Variants in MYRIP observed in about 807,000 individuals in gnomAD.
MYRIP encodes the protein rab effector MyRIP.
A neutral mutation model predicts 98.0 loss-of-function variants in MYRIP; 49 were observed. The ratio of observed to expected loss-of-function variants is 0.50; its 90% CI spans 0.40 to 0.63. MYRIP has a LOEUF of 0.63. Ranked by LOEUF, MYRIP falls within the 30% of genes least tolerant of loss-of-function variation. The pLI, the probability that MYRIP is intolerant of heterozygous loss-of-function variation, is 0.00. For missense variants in MYRIP, 1,004 were observed against 1,058.2 expected, an observed-to-expected ratio of 0.95 and a Z score of 0.71; for synonymous variants, 404 against 409.5, an observed-to-expected ratio of 0.99 and a Z score of 0.16.
At chr3:39,988,913 T>TA (rs1946104121) in intron 2 of MYRIP, among the ~76,000 whole-genome samples, 1 of 152,028 alleles carries the variant, frequency 6.6e-6, no homozygotes. Flanking sequence ...GCAGCTCCTG[T>TA]AGCCCTCTAT....
At position 40,189,895 on chromosome 3, in the gene MYRIP, C is replaced by T. The variant is rs762537921; in HGVS notation, c.1097C>T (p.Thr366Ile). 3 of 1,614,210 alleles carry T rather than the reference C, an allele frequency of 1.9e-6. No homozygotes were observed. Among genetic ancestry groups the T allele is most frequent in the African/African-American group, 2.7e-5 (2 of 75,058 alleles). The stretch of plus-strand genomic sequence containing the variant: ...CTGAAGGATGGCGCTCCACCCCCCA[C>T]CCGACTACTGGCCAAACCTAAGAGC... Reference protein sequence around the residue: ...VALKDGAPPPTRLLAKPKSGT... With the variant: ...VALKDGAPPPIRLLAKPKSGT... Residue 366 changes from threonine (T) to isoleucine (I), a missense_variant, in exon 10 of 17, where the codon ACC becomes ATC. Around this residue, in one of 3 missense-constraint regions of MYRIP, gnomAD observed 880 missense variants for 907.7 expected, o/e 0.97. Transcript: ENST00000302541.
At chr3:40,219,397 C>T (rs1013443118) in intron 11 of MYRIP, among the ~76,000 whole-genome samples, 2 of 152,162 alleles carry the variant, frequency 1.3e-5, no homozygotes, top group African/African-American at 2.4e-5. Flanking sequence ...AGGTTTGTTA[C>T]ATATGTATAC....
At chr3:40,158,397 A>C (rs1353026210) in intron 4 of MYRIP, among the ~76,000 whole-genome samples, 1 of 152,018 alleles carries the variant, frequency 6.6e-6, no homozygotes, top group Non-Finnish European at 1.5e-5. Flanking sequence ...ACATTTGCTG[A>C]GGAGAGCTTT....
chr3:40,078,464 A>C (rs888001468), intron 3 of MYRIP, among the ~76,000 whole-genome samples: 5 of 152,236 alleles, frequency 3.3e-5, no homozygotes, highest in Non-Finnish European at 7.3e-5. Flanking sequence ...GAGGACTGCC[A>C]GCACGCTGTC....
intron 3 of MYRIP, among the ~76,000 whole-genome samples, chr3:40,075,290 G>C (rs1413804475): frequency 6.6e-6 from 1 of 152,126 alleles, no homozygotes; most frequent in Admixed American, 6.5e-5. Flanking sequence ...ATACAAATAA[G>C]TACAGTAGTA....
chr3:39,870,247 T>C (rs1376125434), intron 1 of MYRIP, among the ~76,000 whole-genome samples: 2 of 152,178 alleles, frequency 1.3e-5, no homozygotes, highest in Non-Finnish European at 2.9e-5. Context: ...TACCCTGCCC[T>C]GAAAGAGGGA....
chr3:40,255,779 T>C (rs1953567225), intron 16 of MYRIP, among the ~76,000 whole-genome samples: 1 of 152,202 alleles, frequency 6.6e-6, no homozygotes, highest in African/African-American at 2.4e-5. Context: ...AACCCATAAA[T>C]AAATACAAAT....
intron 10 of MYRIP, among the ~76,000 whole-genome samples, chr3:40,198,034 A>C (rs1951447471): frequency 6.6e-6 from 1 of 152,198 alleles, no homozygotes; most frequent in Non-Finnish European, 1.5e-5. Context: ...GAATGAATGA[A>C]TTAGAAAGAA....
At chr3:39,811,803 C>T (rs1379270431) in intron 1 of MYRIP, among the ~76,000 whole-genome samples, 3 of 151,754 alleles carry the variant, frequency 2.0e-5, no homozygotes, top group Non-Finnish European at 4.4e-5. Flanking sequence ...GAGAGTTATC[C>T]GGCTGCAGAA....
At chr3:39,832,693 G>A (rs1424202572) in intron 1 of MYRIP, among the ~76,000 whole-genome samples, 1 of 152,156 alleles carries the variant, frequency 6.6e-6, no homozygotes, top group African/African-American at 2.4e-5. Flanking sequence ...TTAGTGTAAA[G>A]CAGTGCCCCC....
chr3:40,194,266 C>G (rs952580605), intron 10 of MYRIP, among the ~76,000 whole-genome samples: 3 of 152,028 alleles, frequency 2.0e-5, no homozygotes, highest in African/African-American at 7.2e-5. Flanking sequence ...TAAGCTCTAA[C>G]CTTCAAATTA....
chr3:40,126,957 C>T (rs1197957095), intron 3 of MYRIP, among the ~76,000 whole-genome samples: 2 of 152,192 alleles, frequency 1.3e-5, no homozygotes, highest in African/African-American at 4.8e-5. Context: ...ACAGTGCACA[C>T]TGTCATTGAG....
At chr3:40,246,202 C>T (rs1953197669) in intron 13 of MYRIP, among the ~76,000 whole-genome samples, 1 of 151,750 alleles carries the variant, frequency 6.6e-6, no homozygotes, top group Admixed American at 6.6e-5. Flanking sequence ...ATTTAGGATG[C>T]ACCCAGAAAA....
At chr3:40,216,350 G>A (rs1321182579) in intron 11 of MYRIP, among the ~76,000 whole-genome samples, 1 of 152,184 alleles carries the variant, frequency 6.6e-6, no homozygotes, top group Admixed American at 6.6e-5. Flanking sequence ...AAACGCTGGG[G>A]AGAGGTAAGA....
chr3:39,878,413 T>C (rs987111216), intron 1 of MYRIP, among the ~76,000 whole-genome samples: 1 of 152,164 alleles, frequency 6.6e-6, no homozygotes, highest in Non-Finnish European at 1.5e-5. Flanking sequence ...CAGATGGAAA[T>C]GCAGAAATCA....
At chr3:40,127,805 C>G (rs1949553576) in intron 3 of MYRIP, among the ~76,000 whole-genome samples, 1 of 152,180 alleles carries the variant, frequency 6.6e-6, no homozygotes, top group African/African-American at 2.4e-5. Flanking sequence ...GGCAGCATCT[C>G]TAGAAGCAGC....
intron 2 of MYRIP, among the ~76,000 whole-genome samples, chr3:39,946,030 A>G (rs570997020): frequency 2.0e-5 from 3 of 152,138 alleles, no homozygotes; most frequent in South Asian, 4.1e-4. Context: ...TTGAGACTAC[A>G]TATTACTTCT....
rs535272566 is a variant in MYRIP at position 39,955,391 on chromosome 3, G to T, written c.110+54465G>T. Among the ~76,000 whole-genome samples, 279 of 152,226 alleles carry T rather than the reference G, an allele frequency of 1.8e-3. 1 individual carries two copies. The highest frequency in any genetic ancestry group is 6.4e-3 in the African/African-American group (265 of 41,548). On this transcript the variant is annotated intron_variant, in intron 2 of 16. Coordinates refer to ENST00000302541, the MANE Select transcript of MYRIP (RefSeq NM_015460.4). Reference sequence around the variant, plus strand: ...CAATATTCAACATTCTTAAAGAAAAGAATTTTCAACCCAGAATTTCATATC... The same window carrying T: ...CAATATTCAACATTCTTAAAGAAAATAATTTTCAACCCAGAATTTCATATC...
intron 4 of MYRIP, among the ~76,000 whole-genome samples, chr3:40,153,050 T>C (rs1400834572): frequency 6.6e-6 from 1 of 151,862 alleles, no homozygotes; most frequent in Non-Finnish European, 1.5e-5. Context: ...GCCCAGGAGG[T>C]TGAGGCTGCA....
Sources: allele counts gnomAD v4.1 joint callset (sites outside exome capture counted in the v4.1 genomes callset), GRCh38; gene constraint gnomAD v4.1.1; regional missense constraint gnomAD v4.1.1; transcripts MANE v1.5; gene names NCBI Gene and HGNC (gene_info 2026-07-23, HGNC 2026-07-21).